The following LRFN2 variants were observed in gnomAD, a reference collection of about 807,000 sequenced individuals.
The protein encoded by LRFN2 is leucine rich repeat and fibronectin type III domain containing 2, also known as leucine-rich repeat and fibronectin type-III domain-containing protein 2.
Under a neutral mutation model 37.3 loss-of-function variants are expected in LRFN2, and 18 were observed. That is an observed-to-expected ratio of 0.48 (90% CI 0.33 to 0.72). The LOEUF is 0.72. Ranked by LOEUF, LRFN2 falls within the 30% of genes least tolerant of loss-of-function variation. The pLI, the probability that LRFN2 is intolerant of heterozygous loss-of-function variation, is 0.02. For missense variants in LRFN2, 1,006 were observed against 1,060.7 expected, an observed-to-expected ratio of 0.95 and a Z score of 0.72; for synonymous variants, 556 against 466.6, an observed-to-expected ratio of 1.19 and a Z score of -2.47.
intron 1 of LRFN2, among the ~76,000 whole-genome samples, chr6:40,464,560 C>T (rs1451715029): frequency 6.6e-6 from 1 of 152,192 alleles, no homozygotes; most frequent in Non-Finnish European, 1.5e-5. Context: ...AATCTCTGTT[C>T]CTTATAAATT....
At chr6:40,419,645 C>T (rs956031384) in intron 2 of LRFN2, among the ~76,000 whole-genome samples, 3 of 152,188 alleles carry the variant, frequency 2.0e-5, no homozygotes, top group African/African-American at 7.2e-5. Context: ...GGGGCCCTCA[C>T]AGGCCTTTGA....
chr6:40,403,461 T>C (rs1422625099), intron 2 of LRFN2, among the ~76,000 whole-genome samples: 1 of 152,158 alleles, frequency 6.6e-6, no homozygotes, highest in African/African-American at 2.4e-5. Context: ...TCCCTGTTCT[T>C]CTGCCCTTGT....
intron 1 of LRFN2, among the ~76,000 whole-genome samples, chr6:40,518,229 T>A (rs1178773388): frequency 2.0e-5 from 3 of 152,218 alleles, no homozygotes; most frequent in Non-Finnish European, 4.4e-5. Context: ...TACTAAGCAT[T>A]TTTCATGTAA....
chr6:40,414,453 G>A (rs1455576524), intron 2 of LRFN2, among the ~76,000 whole-genome samples: 1 of 152,150 alleles, frequency 6.6e-6, no homozygotes, highest in South Asian at 2.1e-4. Flanking sequence ...ATAATTAAAT[G>A]AGCTAATAAA....
intron 1 of LRFN2, among the ~76,000 whole-genome samples, chr6:40,519,246 A>G (rs944602532): frequency 6.6e-6 from 1 of 152,210 alleles, no homozygotes; most frequent in Non-Finnish European, 1.5e-5. Flanking sequence ...TCTAAATCTC[A>G]TAACAACCCT....
At chr6:40,494,911 C>T (rs1460822297) in intron 1 of LRFN2, among the ~76,000 whole-genome samples, 1 of 152,174 alleles carries the variant, frequency 6.6e-6, no homozygotes, top group Non-Finnish European at 1.5e-5. Context: ...AAAAACCATC[C>T]TCTTCCAAGT....
intron 2 of LRFN2, among the ~76,000 whole-genome samples, chr6:40,407,058 G>A (rs938386658): frequency 6.6e-6 from 1 of 152,172 alleles, no homozygotes; most frequent in African/African-American, 2.4e-5. Flanking sequence ...GACTGTCAAT[G>A]GAGAGGCCCT....
chr6:40,557,175 T>G (rs1384439698), intron 1 of LRFN2, among the ~76,000 whole-genome samples: 3 of 152,050 alleles, frequency 2.0e-5, no homozygotes, highest in African/African-American at 7.2e-5. Flanking sequence ...GCCTCCTCAC[T>G]CACCCGAGGC....
At chr6:40,480,096 T>C (rs948720721) in intron 1 of LRFN2, among the ~76,000 whole-genome samples, 1 of 152,218 alleles carries the variant, frequency 6.6e-6, no homozygotes, top group Non-Finnish European at 1.5e-5. Context: ...CCAGGCTTTC[T>C]TCTAAGAACT....
chr6:40,446,655 C>T (rs763524867), intron 1 of LRFN2, among the ~76,000 whole-genome samples: 1 of 152,252 alleles, frequency 6.6e-6, no homozygotes, highest in Non-Finnish European at 1.5e-5. Flanking sequence ...AATTTTCTTT[C>T]TGTCCTCTGG....
intron 1 of LRFN2, among the ~76,000 whole-genome samples, chr6:40,585,007 T>C (rs1767476554): frequency 6.6e-6 from 1 of 152,020 alleles, no homozygotes; most frequent in African/African-American, 2.4e-5. Context: ...GCTCACCCTC[T>C]CTCAGGCCAG....
chr6:40,409,828 G>C (rs1762927628), intron 2 of LRFN2, among the ~76,000 whole-genome samples: 1 of 152,156 alleles, frequency 6.6e-6, no homozygotes, highest in African/African-American at 2.4e-5. Flanking sequence ...TGCATGCCTG[G>C]AGGCAGACCC....
chr6:40,398,602 G>C (rs530501206), intron 2 of LRFN2, among the ~76,000 whole-genome samples: 2 of 151,896 alleles, frequency 1.3e-5, no homozygotes, highest in Middle Eastern at 3.4e-3. Context: ...CTGAAATCCT[G>C]AGAGATTTCT....
intron 1 of LRFN2, among the ~76,000 whole-genome samples, chr6:40,435,034 TATATATATATATATATATAG>T (rs1317159652): frequency 1.2e-3 from 111 of 93,044 alleles, no homozygotes; most frequent in African/African-American, 3.1e-3. Flanking sequence ...TATATATATA[TATATATATATATATATATAG>T]AGAGAGAGAG....
intron 1 of LRFN2, among the ~76,000 whole-genome samples, chr6:40,539,030 C>A (rs1195148562): frequency 6.6e-6 from 1 of 152,152 alleles, no homozygotes; most frequent in Non-Finnish European, 1.5e-5. Context: ...AGGTTCCTCC[C>A]TCTCTAAGAC....
chr6:40,464,041 G>T (rs946290243), intron 1 of LRFN2, among the ~76,000 whole-genome samples: 1 of 152,172 alleles, frequency 6.6e-6, no homozygotes, highest in East Asian at 1.9e-4. Flanking sequence ...TCTGCAGGAA[G>T]TCCTTTCTGT....
At chr6:40,479,702 C>T (rs1226297809) in intron 1 of LRFN2, among the ~76,000 whole-genome samples, 3 of 152,154 alleles carry the variant, frequency 2.0e-5, no homozygotes, top group African/African-American at 7.2e-5. Context: ...CAGCCAAGTT[C>T]GTGGCAGGAC....
intron 1 of LRFN2, among the ~76,000 whole-genome samples, chr6:40,543,672 T>C (rs1766597938): frequency 6.6e-6 from 1 of 152,234 alleles, no homozygotes; most frequent in Admixed American, 6.5e-5. Flanking sequence ...ATTATAATTA[T>C]GGGTCAAATC....
chr6:40,523,304 C>T (rs917672721), intron 1 of LRFN2, among the ~76,000 whole-genome samples: 1 of 152,086 alleles, frequency 6.6e-6, no homozygotes, highest in Non-Finnish European at 1.5e-5. Flanking sequence ...TGCAGACAGG[C>T]CCCTTGATGC....
Sources: allele counts gnomAD v4.1 joint callset (sites outside exome capture counted in the v4.1 genomes callset), GRCh38; gene constraint gnomAD v4.1.1; transcripts MANE v1.5; gene names NCBI Gene and HGNC (gene_info 2026-07-23, HGNC 2026-07-21).